HIVEP1: variants seen among roughly 807,000 people sequenced by gnomAD.
HIVEP1 encodes the protein HIVEP zinc finger 1, also known as zinc finger protein 40.
Under a neutral mutation model 180.0 loss-of-function variants are expected in HIVEP1, and 36 were observed. That is an observed-to-expected ratio of 0.20 (90% CI 0.15 to 0.26). The LOEUF is 0.26. HIVEP1 is among the 10% of genes least tolerant of loss of function. The pLI is 1.00. For missense variants in HIVEP1, 3,143 were observed against 3,268.7 expected, an observed-to-expected ratio of 0.96 and a Z score of 0.94; for synonymous variants, 1,239 against 1,239.0, an observed-to-expected ratio of 1.00 and a Z score of 0.00.
intron 2 of HIVEP1, among the ~76,000 whole-genome samples, chr6:12,021,720 C>T (rs1422712031): frequency 6.6e-6 from 1 of 152,152 alleles, no homozygotes; most frequent in African/African-American, 2.4e-5. Flanking sequence ...GGCTGGAGTG[C>T]AGTAGTGCTG....
the HIVEP1 span, among the ~76,000 whole-genome samples, chr6:12,200,253 A>G: frequency 1.1e-4 from 17 of 152,278 alleles, no homozygotes; most frequent in South Asian, 2.5e-3. Context: ...TTTCCATGGC[A>G]AGACTCCAAA....
intron 3 of HIVEP1, among the ~76,000 whole-genome samples, chr6:12,100,504 C>T (rs997109499): frequency 1.3e-5 from 2 of 152,250 alleles, no homozygotes; most frequent in Admixed American, 6.5e-5. Context: ...AAGAGACAGA[C>T]ATAACACTGA....
chr6:12,027,307 G>T (rs1413619231), intron 2 of HIVEP1, among the ~76,000 whole-genome samples: 2 of 152,126 alleles, frequency 1.3e-5, no homozygotes, highest in Non-Finnish European at 2.9e-5. Flanking sequence ...AGTATGTGAG[G>T]GTCCGCTGCC....
chr6:12,135,045 A>G (rs915634204), intron 6 of HIVEP1, among the ~76,000 whole-genome samples: 7 of 152,230 alleles, frequency 4.6e-5, no homozygotes, highest in African/African-American at 1.4e-4. Flanking sequence ...ACTAACAAAA[A>G]AATTAAAAGG....
chr6:12,058,993 C>A (rs1416932994), intron 2 of HIVEP1, among the ~76,000 whole-genome samples: 1 of 151,542 alleles, frequency 6.6e-6, no homozygotes, highest in Non-Finnish European at 1.5e-5. Flanking sequence ...TGTTTGTTGC[C>A]CAGGCTGGAG....
At chr6:12,114,691 G>A (rs1216554390) in intron 3 of HIVEP1, among the ~76,000 whole-genome samples, 1 of 152,126 alleles carries the variant, frequency 6.6e-6, no homozygotes, top group Non-Finnish European at 1.5e-5. Flanking sequence ...TATTTTAAAT[G>A]GATGTATAAT....
At chr6:12,142,725 A>G (rs1481080350) in intron 7 of HIVEP1, among the ~76,000 whole-genome samples, 3 of 152,230 alleles carry the variant, frequency 2.0e-5, no homozygotes, top group Non-Finnish European at 4.4e-5. Context: ...CCCACAGAAT[A>G]CAAACTATCA....
intron 2 of HIVEP1, among the ~76,000 whole-genome samples, chr6:12,032,139 CTT>C (rs71877836): frequency 1.6e-4 from 21 of 133,688 alleles, no homozygotes; most frequent in Admixed American, 2.2e-4. Context: ...CACTGATAAC[CTT>C]TTTTTTTTTT....
At chr6:12,163,000 C>G (rs979794827) in intron 8 of HIVEP1, among the ~76,000 whole-genome samples, 1 of 151,998 alleles carries the variant, frequency 6.6e-6, no homozygotes, top group Non-Finnish European at 1.5e-5. Flanking sequence ...TCTCTGTGTA[C>G]AATATGACAA....
intron 2 of HIVEP1, among the ~76,000 whole-genome samples, chr6:12,050,998 G>A (rs1372976591): frequency 5.4e-5 from 1 of 18,372 alleles, no homozygotes; most frequent in Non-Finnish European, 1.2e-4. Flanking sequence ...AGATACACAA[G>A]TGCATATATA....
At chr6:12,029,009 C>T (rs569163474) in intron 2 of HIVEP1, among the ~76,000 whole-genome samples, 6 of 152,210 alleles carry the variant, frequency 3.9e-5, no homozygotes, top group South Asian at 2.1e-4. Context: ...TAATCTGTGT[C>T]GTAGCATGTA....
chr6:12,121,086 G>A lies in HIVEP1; in HGVS notation c.1291G>A (p.Glu431Lys), dbSNP rs1247730633. 6.2e-7 allele frequency: 1 copy of A among 1,614,200 alleles called. No homozygotes were observed. Among genetic ancestry groups the A allele is most frequent in the Non-Finnish European group, 8.5e-7 (1 of 1,180,020 alleles). The change falls in exon 4 of 9, where the codon GAG becomes AAG. Residue 431 changes from glutamate to lysine, a missense_variant. By Grantham distance (56) the Glu-to-Lys change is moderately conservative. Coordinates refer to ENST00000379388, the MANE Select transcript of HIVEP1 (RefSeq NM_002114.4). This position sits in a 1 kb window ranked among gnomAD's most constrained non-coding sequence, Gnocchi z 5.3. ...LLKHIRSHTGERPYPCVTCGF... is the reference protein window; with the variant it reads ...LLKHIRSHTGKRPYPCVTCGF... ...AAAGCATATCCGCTCCCACACTGGA[G>A]AGCGACCCTATCCCTGTGTGACTTG...
intron 2 of HIVEP1, among the ~76,000 whole-genome samples, chr6:12,031,760 G>A (rs762794653): frequency 2.6e-5 from 4 of 152,180 alleles, no homozygotes; most frequent in African/African-American, 7.2e-5. Flanking sequence ...TTGCCAGAGC[G>A]CTGACAGTGG....
At chr6:12,118,627 C>G (rs551965777) in intron 3 of HIVEP1, among the ~76,000 whole-genome samples, 173 of 152,298 alleles carry the variant, frequency 1.1e-3, no homozygotes, top group African/African-American at 4.0e-3. Flanking sequence ...CCTGCCCTAC[C>G]TATTGCTAAT....
the HIVEP1 span, among the ~76,000 whole-genome samples, chr6:12,190,751 G>C: frequency 6.6e-6 from 1 of 152,084 alleles, no homozygotes; most frequent in Non-Finnish European, 1.5e-5. Context: ...TAAACTCCTT[G>C]AGTTACCATT....
intron 2 of HIVEP1, among the ~76,000 whole-genome samples, chr6:12,018,298 C>T (rs536310414): frequency 1.3e-5 from 2 of 152,206 alleles, no homozygotes; most frequent in Admixed American, 6.5e-5. Flanking sequence ...CTGAGGGAGC[C>T]GGCTCTGGCC....
At chr6:12,127,265 T>C (rs1291141656) in intron 4 of HIVEP1, among the ~76,000 whole-genome samples, 1 of 152,238 alleles carries the variant, frequency 6.6e-6, no homozygotes, top group African/African-American at 2.4e-5. Flanking sequence ...AAAAGAGTTA[T>C]AATTTGGAAA....
intron 7 of HIVEP1, among the ~76,000 whole-genome samples, chr6:12,136,617 T>A (rs1247586301): frequency 6.6e-6 from 1 of 152,246 alleles, no homozygotes. Flanking sequence ...GTGCTTAACG[T>A]GTGCTCACCA....
the HIVEP1 span, among the ~76,000 whole-genome samples, chr6:12,170,533 A>G: frequency 2.0e-5 from 3 of 152,226 alleles, no homozygotes; most frequent in South Asian, 2.1e-4. Context: ...AAACCTTGCC[A>G]TGCAGATGCT....
Sources: allele counts gnomAD v4.1 joint callset (sites outside exome capture counted in the v4.1 genomes callset), GRCh38; gene constraint gnomAD v4.1.1; non-coding constraint Gnocchi (gnomAD v3.1); transcripts MANE v1.5; gene names NCBI Gene and HGNC (gene_info 2026-07-23, HGNC 2026-07-21).